Variants in ABCD3 observed in about 807,000 individuals in gnomAD.
ABCD3 encodes ATP binding cassette subfamily D member 3, also known as ATP-binding cassette sub-family D member 3.
A neutral mutation model predicts 105.5 loss-of-function variants in ABCD3; 41 were observed. The observed-to-expected ratio is 0.39, with a 90% CI of 0.30 to 0.50. The LOEUF is 0.50. ABCD3 is among the 20% of genes least tolerant of loss of function. The pLI is 0.84. For synonymous variants in ABCD3, 258 were observed against 269.0 expected (o/e 0.96, Z 0.40); for missense variants, 622 against 806.3 (o/e 0.77, Z 2.77).
the ABCD3 span, among the ~76,000 whole-genome samples, chr1:94,403,022 C>G: frequency 7.2e-6 from 1 of 139,032 alleles, no homozygotes; most frequent in South Asian, 2.3e-4. Context: ...TCTCATTGTT[C>G]AATTCCCACC....
At chr1:94,385,428 G>A in the ABCD3 span, among the ~76,000 whole-genome samples, 1 of 152,152 alleles carries the variant, frequency 6.6e-6, no homozygotes, top group Non-Finnish European at 1.5e-5. Flanking sequence ...GAGCAAAAGT[G>A]TCAAGAGAAC....
intron 1 of ABCD3, among the ~76,000 whole-genome samples, chr1:94,447,524 T>C (rs1002483682): frequency 2.0e-5 from 3 of 152,256 alleles, no homozygotes; most frequent in East Asian, 1.9e-4. Context: ...AGTGTTTTCA[T>C]TGGAAAGTGT....
chr1:94,493,755 A>G (rs1392129128), intron 16 of ABCD3, among the ~76,000 whole-genome samples: 1 of 152,234 alleles, frequency 6.6e-6, no homozygotes, highest in Admixed American at 6.5e-5. Flanking sequence ...ATGGAATACT[A>G]TGCAGCCATA....
chr1:94,493,519 G>A (rs1374153855), intron 16 of ABCD3, among the ~76,000 whole-genome samples: 2 of 151,506 alleles, frequency 1.3e-5, no homozygotes, highest in Non-Finnish European at 3.0e-5. Flanking sequence ...TTCAACCATT[G>A]TGGAAGTCAG....
At position 94,487,586 on chromosome 1, in the gene ABCD3, C is replaced by T; in HGVS notation, c.942C>T (p.Gly314=). The T allele has an allele frequency of 6.2e-7, 1 of 1,613,428 alleles. No homozygotes were observed. The highest frequency in any genetic ancestry group is 1.3e-5 in the African/African-American group (1 of 74,954). ...HNFILFRFSM[G]FIDSIIAKYL... is the part of the protein sequence containing the mutation. The stretch of plus-strand genomic sequence containing the variant: ...TCATTTTGTTTCGGTTTTCAATGGG[C>T]TTCATTGATAGTATTATTGCCAAAT... The change falls in exon 11 of 23, where the codon GGC becomes GGT. Residue 314 remains glycine (G), a synonymous_variant. Coordinates refer to ENST00000370214, the MANE Select transcript of ABCD3 (RefSeq NM_002858.4).
intron 1 of ABCD3, among the ~76,000 whole-genome samples, chr1:94,447,022 A>G (rs1660374154): frequency 6.6e-6 from 1 of 152,228 alleles, no homozygotes; most frequent in African/African-American, 2.4e-5. Flanking sequence ...AAAATTTGCA[A>G]GATTTGAAGG....
intron 1 of ABCD3, among the ~76,000 whole-genome samples, chr1:94,439,852 C>T (rs960634552): frequency 4.6e-5 from 7 of 152,078 alleles, no homozygotes; most frequent in African/African-American, 1.7e-4. Context: ...TTATGTCTAG[C>T]ATTGGCTTCT....
intron 3 of ABCD3, among the ~76,000 whole-genome samples, chr1:94,467,502 A>G (rs891009096): frequency 6.6e-6 from 1 of 152,172 alleles, no homozygotes; most frequent in African/African-American, 2.4e-5. Flanking sequence ...TTAGGCTTCA[A>G]TTTTGGTTAG....
At chr1:94,467,762 A>G (rs1648220528) in intron 3 of ABCD3, among the ~76,000 whole-genome samples, 157 bp from the exon 4 acceptor site, 1 of 152,174 alleles carries the variant, frequency 6.6e-6, no homozygotes, top group Non-Finnish European at 1.5e-5. Flanking sequence ...TTCCCTTTAA[A>G]CTATATTTAA....
chr1:94,499,251 C>T (rs1410023169), intron 19 of ABCD3, among the ~76,000 whole-genome samples: 3 of 152,154 alleles, frequency 2.0e-5, no homozygotes, highest in African/African-American at 7.2e-5. Context: ...TCATTGCCAT[C>T]ATCCTTTTAC....
chr1:94,482,939 A>G (rs1557681497), intron 9 of ABCD3: 13 of 517,604 alleles, frequency 2.5e-5, no homozygotes, highest in South Asian at 2.4e-4. Context: ...TACCTATGCC[A>G]TAGGTTGCAG....
At chr1:94,514,881 T>C (rs904087208) in intron 21 of ABCD3, 4 of 417,140 alleles carry the variant, frequency 9.6e-6, no homozygotes, top group South Asian at 6.6e-5. Flanking sequence ...CACAATAAAA[T>C]AGGAGACATG....
At chr1:94,493,112 A>G (rs1355124552) in intron 16 of ABCD3, among the ~76,000 whole-genome samples, 1 of 151,788 alleles carries the variant, frequency 6.6e-6, no homozygotes, top group Non-Finnish European at 1.5e-5. Flanking sequence ...TAATTAAACT[A>G]AAGAGCTTCT....
intron 21 of ABCD3, among the ~76,000 whole-genome samples, chr1:94,510,113 T>C (rs1026981981): frequency 3.9e-5 from 6 of 152,318 alleles, no homozygotes; most frequent in African/African-American, 1.4e-4. Context: ...TCCTGCTTTC[T>C]CCTGTGGGCA....
At position 94,465,185 on chromosome 1, in the gene ABCD3, G is replaced by C. The variant is rs576691704; in HGVS notation, c.246+312G>C. On this transcript the variant is annotated intron_variant, in intron 3 of 22. Coordinates refer to ENST00000370214, the MANE Select transcript of ABCD3 (RefSeq NM_002858.4). ...TCTGGAGGACAGCACCATGCCATGAGGGATCTGCCTCCATGACCCAAACAC... is the reference window on the plus strand; with the variant it reads ...TCTGGAGGACAGCACCATGCCATGACGGATCTGCCTCCATGACCCAAACAC... Among the ~76,000 whole-genome samples the C allele has an allele frequency of 5.9e-5, 9 of 152,188 alleles. No homozygotes were observed. In the South Asian group the frequency reaches 1.7e-3, roughly 28 times the overall value.
chr1:94,402,895 T>C, the ABCD3 span, among the ~76,000 whole-genome samples: 1 of 151,804 alleles, frequency 6.6e-6, no homozygotes, highest in Non-Finnish European at 1.5e-5. Flanking sequence ...GCTGGTGCGC[T>C]GCACCCATTA....
chr1:94,483,751 A>G (rs1649146861), intron 10 of ABCD3, among the ~76,000 whole-genome samples: 1 of 152,142 alleles, frequency 6.6e-6, no homozygotes, highest in Admixed American at 6.5e-5. Context: ...TTCATGTCTA[A>G]AACACCAAAA....
At chr1:94,458,718 A>C in intron 2 of ABCD3, 75 bp downstream of exon 2, 1 of 1,446,064 alleles carries the variant, frequency 6.9e-7, no homozygotes, top group South Asian at 1.2e-5. Context: ...ATTCTGATTT[A>C]GGATTAAATT....
chr1:94,404,042 T>A, the ABCD3 span, among the ~76,000 whole-genome samples: 1 of 152,170 alleles, frequency 6.6e-6, no homozygotes, highest in Non-Finnish European at 1.5e-5. Flanking sequence ...TTATCACATA[T>A]ACACACATAC....
Sources: gnomAD v4.1 joint callset for allele counts (sites outside exome capture counted in the v4.1 genomes callset) on GRCh38, gnomAD v4.1.1 for gene constraint, MANE v1.5 for transcripts, NCBI Gene and HGNC (gene_info 2026-07-23, HGNC 2026-07-21) for gene names.